The following DPYD variants were observed in gnomAD, a reference collection of about 807,000 sequenced individuals.
The protein encoded by DPYD is dihydropyrimidine dehydrogenase, also known as dihydropyrimidine dehydrogenase [NADP(+)].
In DPYD, 109 loss-of-function variants were observed where a neutral mutation model predicts 116.2. The observed-to-expected ratio is 0.94, with a 90% CI of 0.80 to 1.10. The LOEUF (loss-of-function observed/expected upper bound fraction) is 1.10. Among genes scored for constraint, DPYD ranks in the 50% least tolerant of loss-of-function variants. DPYD has a pLI of 0.00. For missense variants in DPYD, 1,302 were observed against 1,254.5 expected (o/e 1.04, Z -0.57); for synonymous variants, 440 against 432.0 (o/e 1.02, Z -0.23).
chr1:97,761,910 A>C (rs921487010), intron 3 of DPYD, among the ~76,000 whole-genome samples: 2 of 151,984 alleles, frequency 1.3e-5, no homozygotes, highest in African/African-American at 4.8e-5. Context: ...CAGGAAAAGA[A>C]AATCAAATAC....
chr1:97,306,975 T>C (rs1667212350), intron 16 of DPYD, among the ~76,000 whole-genome samples: 1 of 151,908 alleles, frequency 6.6e-6, no homozygotes, highest in Non-Finnish European at 1.5e-5. Flanking sequence ...AAATATCAAA[T>C]GCTCATTTTA....
At chr1:97,603,066 T>C (rs558610096) in intron 8 of DPYD, among the ~76,000 whole-genome samples, 7 of 152,162 alleles carry the variant, frequency 4.6e-5, no homozygotes, top group African/African-American at 7.2e-5. Flanking sequence ...TCTCTGTTTC[T>C]TTTTCTCATT....
intron 18 of DPYD, among the ~76,000 whole-genome samples, chr1:97,290,261 C>T (rs1000342189): frequency 4.6e-5 from 7 of 151,944 alleles, no homozygotes; most frequent in Non-Finnish European, 1.0e-4. Flanking sequence ...CCATACTGCC[C>T]AAGGTAATTT....
chr1:97,117,356 C>T (rs973027686), intron 20 of DPYD, among the ~76,000 whole-genome samples: 1 of 152,220 alleles, frequency 6.6e-6, no homozygotes, highest in Non-Finnish European at 1.5e-5. Context: ...CCTGAACAAT[C>T]TTCACTAGAA....
chr1:97,146,935 G>C (rs773545795), intron 20 of DPYD, among the ~76,000 whole-genome samples: 2 of 152,174 alleles, frequency 1.3e-5, no homozygotes, highest in Non-Finnish European at 2.9e-5. Context: ...GGAAAATAAA[G>C]AGTCAGAAGA....
chr1:97,373,016 T>A (rs1671385236), intron 16 of DPYD, among the ~76,000 whole-genome samples: 1 of 152,246 alleles, frequency 6.6e-6, no homozygotes, highest in Admixed American at 6.5e-5. Flanking sequence ...TTATTTCACA[T>A]TTTGTTCATT....
chr1:97,142,598 A>T (rs1654307463), intron 20 of DPYD, among the ~76,000 whole-genome samples: 1 of 152,142 alleles, frequency 6.6e-6, no homozygotes, highest in Non-Finnish European at 1.5e-5. Context: ...TTCCTTCATC[A>T]GTAGTAGACT....
intron 18 of DPYD, among the ~76,000 whole-genome samples, chr1:97,236,764 G>A (rs1661959925): frequency 6.6e-6 from 1 of 152,180 alleles, no homozygotes; most frequent in Admixed American, 6.5e-5. Flanking sequence ...TAGGCTATAG[G>A]TGTCAATGCA....
At chr1:97,214,558 CA>C (rs1660248762) in intron 19 of DPYD, among the ~76,000 whole-genome samples, 1 of 152,134 alleles carries the variant, frequency 6.6e-6, no homozygotes, top group African/African-American at 2.4e-5. Flanking sequence ...CATACTGGGC[CA>C]AACCACAGGG....
intron 8 of DPYD, among the ~76,000 whole-genome samples, chr1:97,636,472 T>C (rs1487756644): frequency 1.3e-5 from 2 of 152,078 alleles, no homozygotes; most frequent in Non-Finnish European, 2.9e-5. Flanking sequence ...AAAATATAGA[T>C]AAAAATCCAC....
At chr1:97,176,613 T>C (rs1280300408) in intron 20 of DPYD, among the ~76,000 whole-genome samples, 2 of 152,190 alleles carry the variant, frequency 1.3e-5, no homozygotes, top group Non-Finnish European at 2.9e-5. Flanking sequence ...CTTATATAAT[T>C]GTCAGGGATA....
chr1:97,551,196 T>C (rs1313901794), intron 11 of DPYD, among the ~76,000 whole-genome samples: 1 of 152,142 alleles, frequency 6.6e-6, no homozygotes, highest in East Asian at 1.9e-4. Flanking sequence ...TCGTCTTTCA[T>C]TGAGAGGAAA....
At chr1:97,614,950 T>C (rs1571064014) in intron 8 of DPYD, among the ~76,000 whole-genome samples, 1 of 152,246 alleles carries the variant, frequency 6.6e-6, no homozygotes, top group East Asian at 1.9e-4. Context: ...ATTTATTCCT[T>C]AAGACTGTAG....
chr1:97,896,153 G>A (rs1479363999), intron 1 of DPYD, among the ~76,000 whole-genome samples: 6 of 151,604 alleles, frequency 4.0e-5, no homozygotes, highest in Non-Finnish European at 1.5e-5. Flanking sequence ...TTGATTTCAC[G>A]TCCTATTTAG....
chr1:97,768,159 T>C (rs754657977), intron 3 of DPYD, among the ~76,000 whole-genome samples: 8 of 152,198 alleles, frequency 5.3e-5, no homozygotes, highest in Non-Finnish European at 8.8e-5. Flanking sequence ...TTCCTAATTA[T>C]GAAATATCTT....
intron 12 of DPYD, chr1:97,546,607 T>C: frequency 6.2e-7 from 1 of 1,611,994 alleles, no homozygotes; most frequent in Non-Finnish European, 8.5e-7. Context: ...TAGCCTTTAC[T>C]TTCCTGAGGA....
chr1:97,862,366 A>T (rs961659231), intron 2 of DPYD, among the ~76,000 whole-genome samples: 1 of 151,936 alleles, frequency 6.6e-6, no homozygotes, highest in African/African-American at 2.4e-5. Flanking sequence ...AAGGAGAAAC[A>T]AGCCAGACAC....
intron 11 of DPYD, among the ~76,000 whole-genome samples, chr1:97,562,498 C>A (rs1470099212): frequency 6.6e-6 from 1 of 152,044 alleles, no homozygotes; most frequent in African/African-American, 2.4e-5. Flanking sequence ...CAAAATATAA[C>A]AAGTATGGTT....
intron 2 of DPYD, among the ~76,000 whole-genome samples, chr1:97,880,230 A>T (rs1415310248): frequency 6.6e-6 from 1 of 151,730 alleles, no homozygotes; most frequent in Non-Finnish European, 1.5e-5. Context: ...ATGAGAGGAG[A>T]AATAATCAAC....
Sources: allele counts gnomAD v4.1 joint callset (sites outside exome capture counted in the v4.1 genomes callset), GRCh38; gene constraint gnomAD v4.1.1; transcripts MANE v1.5; gene names NCBI Gene and HGNC (gene_info 2026-07-23, HGNC 2026-07-21).